Variants in KIAA0825 observed in about 807,000 individuals in gnomAD.
The protein encoded by KIAA0825 is uncharacterized protein KIAA0825.
Under a neutral mutation model 147.6 loss-of-function variants are expected in KIAA0825, and 119 were observed. The observed-to-expected ratio is 0.81, with a 90% CI of 0.69 to 0.94. The LOEUF (loss-of-function observed/expected upper bound fraction) is 0.94. Ranked by LOEUF, KIAA0825 falls within the 40% of genes least tolerant of loss-of-function variation. The pLI is 0.00. For synonymous variants in KIAA0825, 470 were observed against 518.1 expected, an observed-to-expected ratio of 0.91 and a Z score of 1.26; for missense variants, 1,381 against 1,472.7, an observed-to-expected ratio of 0.94 and a Z score of 1.02.
chr5:94,497,804 C>T (rs75146546), intron 5 of KIAA0825, among the ~76,000 whole-genome samples: 63 of 152,284 alleles, frequency 4.1e-4, no homozygotes, highest in Admixed American at 1.4e-3. Context: ...AGTGAGTTAG[C>T]GGAGGAACCT....
At chr5:94,287,047 T>G (rs775237579) in intron 20 of KIAA0825, among the ~76,000 whole-genome samples, 1 of 152,152 alleles carries the variant, frequency 6.6e-6, no homozygotes, top group African/African-American at 2.4e-5. Flanking sequence ...ATCATTTATA[T>G]TTTCTGAGTC....
intron 20 of KIAA0825, among the ~76,000 whole-genome samples, chr5:94,272,066 A>T (rs1481057746): frequency 6.7e-6 from 1 of 149,086 alleles, no homozygotes. Context: ...AGCCAGACAC[A>T]GAATGACAAA....
intron 1 of KIAA0825, among the ~76,000 whole-genome samples, chr5:94,602,315 C>T (rs990510786): frequency 2.6e-5 from 4 of 151,668 alleles, no homozygotes; most frequent in Non-Finnish European, 5.9e-5. Flanking sequence ...CGTGCCACTG[C>T]ACTCCAGCCT....
At chr5:94,200,858 T>A (rs1771597251) in intron 20 of KIAA0825, among the ~76,000 whole-genome samples, 1 of 150,844 alleles carries the variant, frequency 6.6e-6, no homozygotes, top group Non-Finnish European at 1.5e-5. Flanking sequence ...TTTTCTTGAT[T>A]TCTTTTTTCC....
At chr5:94,388,442 A>C (rs193199155) in intron 18 of KIAA0825, among the ~76,000 whole-genome samples, 1 of 152,334 alleles carries the variant, frequency 6.6e-6, no homozygotes, top group East Asian at 1.9e-4. Flanking sequence ...ATTGTTAATG[A>C]TAAAGCCATC....
intron 20 of KIAA0825, among the ~76,000 whole-genome samples, chr5:94,312,003 C>G (rs913800191): frequency 1.3e-5 from 2 of 151,656 alleles, no homozygotes; most frequent in Non-Finnish European, 3.0e-5. Context: ...GTCAGTGTCA[C>G]TCTCTCCATT....
chr5:94,564,537 AGTGTGTGTGTGTGTGTGTGTGTGT>A (rs56256662), intron 2 of KIAA0825, among the ~76,000 whole-genome samples: 1 of 32,924 alleles, frequency 3.0e-5, no homozygotes. Context: ...CTTATTTTTG[AGTGTGTGTGTGTGTGTGTGTGTGT>A]GTGTGTGTGT....
intron 5 of KIAA0825, among the ~76,000 whole-genome samples, chr5:94,506,566 T>G (rs1180996261): frequency 6.6e-6 from 1 of 152,182 alleles, no homozygotes; most frequent in African/African-American, 2.4e-5. Context: ...CATTTTTCCC[T>G]CAATAAAGGA....
At chr5:94,574,791 A>G (rs935071922) in intron 2 of KIAA0825, among the ~76,000 whole-genome samples, 13 of 152,152 alleles carry the variant, frequency 8.5e-5, no homozygotes, top group African/African-American at 2.9e-4. Context: ...TGGTGCCAGT[A>G]TAAGCTCACT....
At chr5:94,271,809 C>T (rs150696483) in intron 20 of KIAA0825, among the ~76,000 whole-genome samples, 27 of 151,966 alleles carry the variant, frequency 1.8e-4, no homozygotes, top group Middle Eastern at 3.4e-3. Context: ...CAATCCCACT[C>T]CAAGGTATAT....
intron 2 of KIAA0825, among the ~76,000 whole-genome samples, chr5:94,549,585 T>C (rs1584858897): frequency 6.6e-6 from 1 of 152,038 alleles, no homozygotes; most frequent in Admixed American, 6.6e-5. Flanking sequence ...TGGTGGCAGG[T>C]GCCTGCAATC....
rs190648634 is a variant in KIAA0825 at position 94,409,002 on chromosome 5, C to G, written c.2663-5209G>C. ...AGCAAATAAGTTATCCTCAAATGAA[C>G]TACAGATTCATGGTATGAATATATT... On this transcript the variant is annotated intron_variant, in intron 15 of 20. Transcript: ENST00000682413. Among the ~76,000 whole-genome samples the G allele has an allele frequency of 1.1e-3, 166 of 152,192 alleles. 1 individual carries two copies. Among genetic ancestry groups the G allele is most frequent in the African/African-American group, 3.7e-3 (154 of 41,532 alleles).
At chr5:94,371,763 C>T (rs1045334941) in intron 20 of KIAA0825, among the ~76,000 whole-genome samples, 1 of 152,186 alleles carries the variant, frequency 6.6e-6, no homozygotes, top group Non-Finnish European at 1.5e-5. Flanking sequence ...TCCAAAATCT[C>T]ATGTCCTCAC....
intron 2 of KIAA0825, among the ~76,000 whole-genome samples, chr5:94,556,135 CT>C (rs1776503938): frequency 6.6e-6 from 1 of 151,950 alleles, no homozygotes; most frequent in African/African-American, 2.4e-5. Context: ...TCACTGTAAC[CT>C]CCGCCTCCTG....
chr5:94,393,517 T>TA (rs1052254096), intron 17 of KIAA0825, among the ~76,000 whole-genome samples: 10 of 152,318 alleles, frequency 6.6e-5, no homozygotes, highest in African/African-American at 2.4e-4. Context: ...ACCATTTCCA[T>TA]AAAATCAAAG....
At chr5:94,593,360 T>C (rs1400225546) in intron 1 of KIAA0825, 32 of 1,020,728 alleles carry the variant, frequency 3.1e-5, no homozygotes, top group Non-Finnish European at 4.4e-5. Flanking sequence ...GTCTTGATGG[T>C]CAACATATCT....
At chr5:94,533,463 G>T (rs940154976) in intron 3 of KIAA0825, among the ~76,000 whole-genome samples, 1 of 151,370 alleles carries the variant, frequency 6.6e-6, no homozygotes, top group African/African-American at 2.4e-5. Flanking sequence ...TCTTAGTAGA[G>T]ACAGGGTTTC....
chr5:94,263,083 A>G (rs1419791848), intron 20 of KIAA0825, among the ~76,000 whole-genome samples: 1 of 152,136 alleles, frequency 6.6e-6, no homozygotes, highest in East Asian at 1.9e-4. Flanking sequence ...CAAACTGTCC[A>G]GCTTTCAGGG....
At chr5:94,516,455 A>C (rs1767249105) in intron 5 of KIAA0825, among the ~76,000 whole-genome samples, 1 of 152,252 alleles carries the variant, frequency 6.6e-6, no homozygotes, top group Admixed American at 6.5e-5. Flanking sequence ...ATCAATAAAA[A>C]AGAAAAGCAA....
Sources: gnomAD v4.1 joint callset for allele counts (sites outside exome capture counted in the v4.1 genomes callset) on GRCh38, gnomAD v4.1.1 for gene constraint, MANE v1.5 for transcripts, NCBI Gene and HGNC (gene_info 2026-07-23, HGNC 2026-07-21) for gene names.